MEIS2: variants seen among roughly 807,000 people sequenced by gnomAD.
The protein encoded by MEIS2 is Meis homeobox 2.
In MEIS2, 9 loss-of-function variants were observed where a neutral mutation model predicts 58.6. That is an observed-to-expected ratio of 0.15 (90% CI 0.09 to 0.27). The LOEUF is 0.27. Among genes scored for constraint, MEIS2 ranks in the 10% least tolerant of loss-of-function variants. The pLI, the probability that MEIS2 is intolerant of heterozygous loss-of-function variation, is 1.00. For missense variants in MEIS2, 427 were observed against 635.0 expected (o/e 0.67, Z 3.52); for synonymous variants, 221 against 228.4 (o/e 0.97, Z 0.29).
intron 9 of MEIS2, among the ~76,000 whole-genome samples, chr15:36,925,150 C>G (rs2057693649): frequency 1.3e-5 from 2 of 152,034 alleles, no homozygotes; most frequent in Admixed American, 1.3e-4. Flanking sequence ...AAAAACAAAA[C>G]AGGAACAGAA....
intron 9 of MEIS2, among the ~76,000 whole-genome samples, chr15:36,904,557 A>T (rs1203703287): frequency 6.6e-6 from 1 of 152,082 alleles, no homozygotes; most frequent in African/African-American, 2.4e-5. Flanking sequence ...CCACCAACCT[A>T]TGATGACCAC....
At chr15:36,933,490 T>C (rs752379552) in intron 9 of MEIS2, among the ~76,000 whole-genome samples, 6 of 151,944 alleles carry the variant, frequency 3.9e-5, no homozygotes, top group Admixed American at 2.0e-4. Flanking sequence ...TTAGAGACCA[T>C]TGAGAAATTG....
intron 7 of MEIS2, among the ~76,000 whole-genome samples, chr15:37,067,511 G>C (rs919073840): frequency 1.3e-5 from 2 of 151,680 alleles, no homozygotes; most frequent in African/African-American, 4.8e-5. Flanking sequence ...ACTGAATTGG[G>C]GCTAACTAGA....
rs537424718 is a variant in MEIS2, at chr15:37,024,358, TTC to T, written c.900+12454_900+12455del. On this transcript the variant is annotated intron_variant, in intron 8 of 11. Coordinates refer to ENST00000561208, the MANE Select transcript of MEIS2 (RefSeq NM_170675.5). Reference sequence around the variant, plus strand: ...AGTCTTCAAAAAGACTCAAACCCCGTTCTCTCTCTGCACTGTCTCTTATTTTA... The same window carrying T: ...AGTCTTCAAAAAGACTCAAACCCCGTTCTCTCTGCACTGTCTCTTATTTTA... Among the ~76,000 whole-genome samples the T allele has an allele frequency of 4.4e-4, 67 of 152,300 alleles. 1 individual carries two copies. In the East Asian group the frequency reaches 0.013, roughly 29 times the overall value.
intron 8 of MEIS2, among the ~76,000 whole-genome samples, chr15:36,973,921 C>G (rs2059654397): frequency 1.3e-5 from 2 of 152,064 alleles, no homozygotes; most frequent in South Asian, 2.1e-4. Context: ...CTATGGATAC[C>G]TGCCAGAACT....
chr15:37,084,968 T>C (rs1267121971), intron 6 of MEIS2, among the ~76,000 whole-genome samples: 1 of 152,166 alleles, frequency 6.6e-6, no homozygotes, highest in East Asian at 1.9e-4. Context: ...GGCAAGTGAA[T>C]GATTTGGGGG....
At chr15:37,096,522 G>A in intron 2 of MEIS2, 92 bp from the exon 3 acceptor site, 4 of 1,480,258 alleles carry the variant, frequency 2.7e-6, no homozygotes, top group East Asian at 4.7e-5. Flanking sequence ...TGGAGGGTGT[G>A]GAGTCCTTCT....
intron 7 of MEIS2, among the ~76,000 whole-genome samples, chr15:37,051,168 GT>G (rs2062903691): frequency 6.6e-6 from 1 of 152,168 alleles, no homozygotes; most frequent in African/African-American, 2.4e-5. Context: ...GCCTCATGTA[GT>G]ACCTGAAATA....
intron 5 of MEIS2, 42 bp downstream of exon 5, chr15:37,094,485 G>A (rs1418537170): frequency 6.3e-7 from 1 of 1,594,814 alleles, no homozygotes. Context: ...CTAGGAGAGG[G>A]AAATGGTTTA....
chr15:37,074,795 T>G lies in MEIS2; in HGVS notation c.754+8976A>C, dbSNP rs374126546. Among the ~76,000 whole-genome samples, 8 of 152,136 alleles carry G rather than the reference T, an allele frequency of 5.3e-5. No individual in the cohort carries two copies. The East Asian group carries it at 1.4e-3, about 26-fold the overall frequency. ...TAAAACTGGGATTGGAACTCATGTC[T>G]CTCTGTCTTCTAGGTCTGTGCCCTT... On this transcript the variant is annotated intron_variant, in intron 7 of 11. Coordinates refer to ENST00000561208, the MANE Select transcript of MEIS2 (RefSeq NM_170675.5).
At chr15:36,930,706 G>A (rs1156644515) in intron 9 of MEIS2, among the ~76,000 whole-genome samples, 1 of 152,126 alleles carries the variant, frequency 6.6e-6, no homozygotes, top group African/African-American at 2.4e-5. Flanking sequence ...TGTTAAAGAA[G>A]AGGAAAGATA....
At chr15:37,095,212 T>C (rs1266391059) in intron 4 of MEIS2, among the ~76,000 whole-genome samples, 5 of 121,366 alleles carry the variant, frequency 4.1e-5, no homozygotes, top group African/African-American at 1.6e-4. Flanking sequence ...AGTGGTTACA[T>C]CCTTCGGGTT....
intron 9 of MEIS2, among the ~76,000 whole-genome samples, chr15:36,908,394 GGTTA>G (rs774916483): frequency 6.6e-6 from 1 of 152,096 alleles, no homozygotes; most frequent in Non-Finnish European, 1.5e-5. Context: ...AGCTTTAGAG[GGTTA>G]GTTAGTGGAT....
At chr15:36,916,956 C>T (rs2057305341) in intron 9 of MEIS2, among the ~76,000 whole-genome samples, 1 of 152,112 alleles carries the variant, frequency 6.6e-6, no homozygotes, top group African/African-American at 2.4e-5. Flanking sequence ...CCTAAATTCA[C>T]CAGTTAGTAA....
intron 9 of MEIS2, among the ~76,000 whole-genome samples, chr15:36,934,747 T>C (rs2058102057): frequency 6.6e-6 from 1 of 152,216 alleles, no homozygotes; most frequent in Non-Finnish European, 1.5e-5. Flanking sequence ...GTGTATGTGG[T>C]TACAAGTTCA....
intron 8 of MEIS2, among the ~76,000 whole-genome samples, chr15:36,960,319 A>C (rs2141426394): frequency 6.6e-6 from 1 of 152,054 alleles, no homozygotes; most frequent in East Asian, 1.9e-4. Context: ...TTCTTTGCTC[A>C]TCTCAGAGTA....
At chr15:37,034,206 C>A (rs972207833) in intron 8 of MEIS2, among the ~76,000 whole-genome samples, 4 of 152,170 alleles carry the variant, frequency 2.6e-5, no homozygotes, top group African/African-American at 9.7e-5. Context: ...GAACCAAAAC[C>A]TAGGAGCATG....
At chr15:37,027,301 G>T (rs2061739851) in intron 8 of MEIS2, among the ~76,000 whole-genome samples, 1 of 152,172 alleles carries the variant, frequency 6.6e-6, no homozygotes, top group Admixed American at 6.5e-5. Context: ...ATCGAAATTA[G>T]TCTTGAATGT....
At chr15:37,092,141 G>A (rs911450164) in intron 6 of MEIS2, among the ~76,000 whole-genome samples, 4 of 152,160 alleles carry the variant, frequency 2.6e-5, no homozygotes, top group Non-Finnish European at 5.9e-5. Flanking sequence ...AAAGGTAAGG[G>A]TAAAGAGATA....
Sources: allele counts gnomAD v4.1 joint callset (sites outside exome capture counted in the v4.1 genomes callset), GRCh38; gene constraint gnomAD v4.1.1; transcripts MANE v1.5; gene names NCBI Gene and HGNC (gene_info 2026-07-23, HGNC 2026-07-21).